ADGRG2: variants seen among roughly 807,000 people sequenced by gnomAD.
ADGRG2 encodes G protein-coupled receptor 64.
In ADGRG2, 26 loss-of-function variants were observed where a neutral mutation model predicts 74.1. The ratio of observed to expected loss-of-function variants is 0.35; its 90% CI spans 0.26 to 0.49. ADGRG2 has a LOEUF of 0.49. Among genes scored for constraint, ADGRG2 ranks in the 20% least tolerant of loss-of-function variants. The pLI is 0.99. For synonymous variants in ADGRG2, 296 were observed against 295.2 expected, an observed-to-expected ratio of 1.00 and a Z score of -0.03; for missense variants, 619 against 763.1, an observed-to-expected ratio of 0.81 and a Z score of 2.22.
Position 19,050,553 on chromosome X carries a change from G to A in ADGRG2, c.119-10329C>T, listed in dbSNP as rs189143478. On this transcript the variant is annotated intron_variant, in intron 3 of 28. Transcript: ENST00000379869. The stretch of plus-strand genomic sequence containing the variant: ...GATGGACACAATGGCGGAGCTCACC[G>A]ATTCTCAACCCTGGCTGCACATTAA... Among the ~76,000 whole-genome samples, 331 of 111,434 alleles carry A rather than the reference G, an allele frequency of 3.0e-3. 1 individual carries two copies. Among genetic ancestry groups the A allele is most frequent in the African/African-American group, 1.0e-2 (306 of 30,662 alleles).
rs377755481 is a variant in ADGRG2, at chrX:18,994,497, CA to C, written c.2869+398del. 3.8e-3 allele frequency among the ~76,000 whole-genome samples: 352 copies of C among 92,409 alleles called. 9 individuals are homozygous for C. In the East Asian group the frequency reaches 0.05, roughly 13 times the overall value. 80.2% of individuals were successfully genotyped at this position (92,409 alleles called of 115,157 possible). On this transcript the variant is annotated intron_variant, in intron 28 of 28. Transcript: ENST00000379869. ...GGGCAACAAGAGTGAGACTCCATCTCAAAAAAAAAAAATGTTGAACATGTAT... is the reference window on the plus strand; with the variant it reads ...GGGCAACAAGAGTGAGACTCCATCTCAAAAAAAAAAATGTTGAACATGTAT...
chrX:19,099,408 T>C (rs1326896989), intron 1 of ADGRG2, among the ~76,000 whole-genome samples: 4 of 112,127 alleles, frequency 3.6e-5, no homozygotes, highest in East Asian at 2.8e-4. Flanking sequence ...TGGGGCACTA[T>C]TGATTAATGT....
At chrX:19,073,471 T>C (rs1303896902) in intron 2 of ADGRG2, among the ~76,000 whole-genome samples, 1 of 111,785 alleles carries the variant, frequency 8.9e-6, no homozygotes, top group African/African-American at 3.3e-5. Context: ...TGAACTCTGA[T>C]GTAAATGGCA....
chrX:19,023,552 T>C (rs2060638537), intron 12 of ADGRG2, 99 bp from the exon 13 acceptor site: 1 of 505,503 alleles, frequency 2.0e-6, no homozygotes, highest in Admixed American at 3.8e-5. Context: ...AATTTTAGAA[T>C]CACGAGAGCC....
chrX:19,011,247 T>G (rs2060350235), intron 16 of ADGRG2, among the ~76,000 whole-genome samples: 1 of 110,689 alleles, frequency 9.0e-6, no homozygotes, highest in Admixed American at 9.7e-5. Flanking sequence ...GGGGATTAGG[T>G]TTTGACTTCG....
intron 15 of ADGRG2, 115 bp from the exon 16 acceptor site, chrX:19,014,189 A>T: frequency 1.8e-6 from 1 of 567,518 alleles, no homozygotes; most frequent in East Asian, 3.7e-5. Flanking sequence ...TACATCAGGG[A>T]CATGACACTT....
intron 1 of ADGRG2, among the ~76,000 whole-genome samples, chrX:19,116,510 A>G (rs1392369798): frequency 1.9e-5 from 2 of 103,348 alleles, no homozygotes; most frequent in Non-Finnish European, 3.9e-5. Flanking sequence ...CCGTCTCAAA[A>G]AAAAAAAAAA....
In ADGRG2 at chrX:19,114,027, G is replaced by T. The variant is rs779238460; in HGVS notation, c.-47+8415C>A. Among the ~76,000 whole-genome samples the T allele has an allele frequency of 2.3e-4, 23 of 99,187 alleles. No individual in the cohort carries two copies. The East Asian group carries it at 6.6e-3, about 29-fold the overall frequency. The allele number at this position is 99,187 out of a possible 115,157, so 86.1% of individuals were successfully genotyped here. A position where few individuals can be genotyped will look rare whatever the true frequency, so the allele number is the denominator to read the frequency against. On this transcript the variant is annotated intron_variant, in intron 1 of 28. Transcript: ENST00000379869. The stretch of plus-strand genomic sequence containing the variant: ...GCAGAGGTTGCAGTGAGCCGAGATT[G>T]CACCACTGCACTCCAGCCTGGGCGA...
At chrX:19,032,158 T>C (rs2060838521) in intron 8 of ADGRG2, 2 of 111,830 alleles carry the variant, frequency 1.8e-5, no homozygotes, top group African/African-American at 6.5e-5. Context: ...TCTGCTAGTG[T>C]GATTTATTGA....
chrX:19,022,664 A>G (rs964150793), intron 13 of ADGRG2, among the ~76,000 whole-genome samples: 1 of 111,879 alleles, frequency 8.9e-6, no homozygotes, highest in East Asian at 2.8e-4. Context: ...CCCTGTGTGC[A>G]TGTGCTTCTT....
chrX:19,063,008 T>TTA, intron 3 of ADGRG2, among the ~76,000 whole-genome samples: 1 of 96,338 alleles, frequency 1.0e-5, no homozygotes, highest in Middle Eastern at 5.3e-3. Context: ...TTCAAAGATT[T>TTA]AAAAAAAAAA....
chrX:19,082,372 C>T (rs768307161), intron 2 of ADGRG2, among the ~76,000 whole-genome samples: 3 of 111,343 alleles, frequency 2.7e-5, no homozygotes, highest in Non-Finnish European at 5.6e-5. Context: ...AATAATTCCA[C>T]GTAAATGATC....
intron 3 of ADGRG2, among the ~76,000 whole-genome samples, chrX:19,055,292 G>C (rs868447991): frequency 7.2e-5 from 8 of 111,431 alleles, no homozygotes; most frequent in South Asian, 7.5e-4. Flanking sequence ...GTGTGCGCGC[G>C]CACGCGCGTG....
intron 1 of ADGRG2, among the ~76,000 whole-genome samples, chrX:19,109,222 CTG>C (rs1206946974): frequency 4.5e-5 from 5 of 111,395 alleles, no homozygotes; most frequent in African/African-American, 6.5e-5. Flanking sequence ...CATGTATGAA[CTG>C]TGAATACAAT....
At chrX:18,991,450 G>A (rs2059922499) in intron 28 of ADGRG2, among the ~76,000 whole-genome samples, 1 of 112,241 alleles carries the variant, frequency 8.9e-6, no homozygotes, top group Admixed American at 9.4e-5. Context: ...TGTTAACAGA[G>A]ATCCCCATAT....
At chrX:19,076,394 T>A (rs1032064576) in intron 2 of ADGRG2, among the ~76,000 whole-genome samples, 5 of 111,284 alleles carry the variant, frequency 4.5e-5, no homozygotes, top group African/African-American at 1.6e-4. Context: ...GGACTCTAAA[T>A]CACAAGTCAC....
chrX:19,117,561 A>T lies in ADGRG2; in HGVS notation c.-47+4881T>A, dbSNP rs1214609365. 2.7e-5 allele frequency among the ~76,000 whole-genome samples: 3 copies of T among 110,962 alleles called. No homozygotes were observed. The Admixed American group carries it at 2.9e-4, about 11-fold the overall frequency. On this transcript the variant is annotated intron_variant, in intron 1 of 28. Coordinates refer to ENST00000379869, the MANE Select transcript of ADGRG2 (RefSeq NM_001079858.3). ...ACCAGGCGCAGTGGCTCATGCCTGTAATCTCAGCACTTTGGGAGGCCGAGC... is the reference window on the plus strand; with the variant it reads ...ACCAGGCGCAGTGGCTCATGCCTGTTATCTCAGCACTTTGGGAGGCCGAGC...
intron 11 of ADGRG2, among the ~76,000 whole-genome samples, chrX:19,026,711 GTCT>G (rs1225347990): frequency 9.0e-6 from 1 of 110,804 alleles, no homozygotes; most frequent in Non-Finnish European, 1.9e-5. Context: ...CGCCAGGCTA[GTCT>G]TGAACTCCTG....
chrX:18,993,698 A>G (rs994427786), intron 28 of ADGRG2, among the ~76,000 whole-genome samples: 3 of 108,496 alleles, frequency 2.8e-5, no homozygotes, highest in African/African-American at 1.0e-4. Flanking sequence ...AAAAAAAAAA[A>G]AAAAAGTCTA....
Sources: allele counts gnomAD v4.1 joint callset (sites outside exome capture counted in the v4.1 genomes callset), GRCh38; gene constraint gnomAD v4.1.1; transcripts MANE v1.5; gene names NCBI Gene and HGNC (gene_info 2026-07-23, HGNC 2026-07-21).